Variants in AGK observed in about 807,000 individuals in gnomAD.
The protein encoded by AGK is acylglycerol kinase, mitochondrial.
AGK carries 52 observed loss-of-function variants against 66.4 expected under a neutral mutation model. The observed-to-expected ratio is 0.78, with a 90% confidence interval of 0.63 to 0.99. AGK has a LOEUF of 0.99. Among genes scored for constraint, AGK ranks in the 50% least tolerant of loss-of-function variants. The pLI is 0.00. For missense variants in AGK, 451 were observed against 506.6 expected, an observed-to-expected ratio of 0.89 and a Z score of 1.05; for synonymous variants, 182 against 181.1, an observed-to-expected ratio of 1.00 and a Z score of -0.04.
intron 9 of AGK, among the ~76,000 whole-genome samples, chr7:141,625,584 C>A (rs561942736): frequency 1.9e-4 from 29 of 152,144 alleles, no homozygotes; most frequent in South Asian, 1.3e-3. Flanking sequence ...CTATTGATGA[C>A]CTTTGGTCCA....
At chr7:141,622,726 T>C (rs1318155523) in intron 9 of AGK, among the ~76,000 whole-genome samples, 1 of 152,164 alleles carries the variant, frequency 6.6e-6, no homozygotes, top group Non-Finnish European at 1.5e-5. Context: ...AGTGTTCACA[T>C]AAAGAAGACG....
rs772183637 is a variant in AGK, at chr7:141,651,564, C to T, written c.1086C>T (p.Gly362=). 2 of 1,614,236 alleles carry T rather than the reference C, an allele frequency of 1.2e-6. No homozygotes were observed. Among genetic ancestry groups the T allele is most frequent in the South Asian group, 1.1e-5 (1 of 91,082 alleles). ...GAAACCCCAAGCTGCACGTGGAGGG[C>T]ACGGAGTGTCTCCAAGCCAGCCAGT... ...KVRNPKLHVE[G]TECLQASQCT... is the part of the protein sequence containing the mutation. Residue 362 remains glycine (G), a synonymous_variant, in exon 15 of 16, where the codon GGC becomes GGT. Coordinates refer to ENST00000649286, the MANE Select transcript of AGK (RefSeq NM_018238.4).
chr7:141,652,904 C>T lies in AGK; in HGVS notation c.1249C>T (p.Leu417Phe). Residue 417 changes from leucine to phenylalanine, a missense_variant, in exon 16 of 16, where the codon CTC becomes TTC. Transcript: ENST00000649286. ...TGATCCTAGGAAGAGAGAACAGATG[C>T]TCACAAGCCCCACCCAGTGAGCAGC... ...FCDPRKREQM[L>F]TSPTQ is the part of the protein sequence containing the mutation. 1 of 1,614,024 alleles carries T rather than the reference C, an allele frequency of 6.2e-7. No individual in the cohort carries two copies.
At chr7:141,606,852 A>T (rs887395462) in intron 5 of AGK, among the ~76,000 whole-genome samples, 2 of 152,042 alleles carry the variant, frequency 1.3e-5, no homozygotes, top group African/African-American at 4.8e-5. Context: ...TTCCCTCCAC[A>T]GCTGTTTTTA....
At chr7:141,611,150 G>T in intron 5 of AGK, 45 bp from the exon 6 acceptor site, 4 of 1,304,384 alleles carry the variant, frequency 3.1e-6, no homozygotes, top group Non-Finnish European at 4.4e-6. Flanking sequence ...TTAACCTTGT[G>T]GCTCTAGGTT....
chr7:141,572,446 T>G (rs1795625743), intron 2 of AGK, among the ~76,000 whole-genome samples: 1 of 152,228 alleles, frequency 6.6e-6, no homozygotes, highest in African/African-American at 2.4e-5. Flanking sequence ...ACTAGCTATG[T>G]GGCCTTTATC....
chr7:141,580,137 A>G (rs935427919), intron 2 of AGK, among the ~76,000 whole-genome samples: 3 of 151,998 alleles, frequency 2.0e-5, no homozygotes, highest in Admixed American at 6.5e-5. Flanking sequence ...TTTTGCCCAT[A>G]TAACAGCATG....
At chr7:141,561,797 G>T (rs1795357446) in intron 2 of AGK, among the ~76,000 whole-genome samples, 1 of 151,958 alleles carries the variant, frequency 6.6e-6, no homozygotes, top group African/African-American at 2.4e-5. Context: ...CTACCCACAA[G>T]CAGAAGGATC....
chr7:141,559,970 T>TC (rs148988259), intron 2 of AGK, among the ~76,000 whole-genome samples: 1 of 121,780 alleles, frequency 8.2e-6, no homozygotes, highest in African/African-American at 2.7e-5. Flanking sequence ...TTCTAACAGC[T>TC]TTTTTTTTTG....
intron 5 of AGK, among the ~76,000 whole-genome samples, chr7:141,603,652 G>A (rs1273240691): frequency 6.6e-6 from 1 of 152,048 alleles, no homozygotes; most frequent in Non-Finnish European, 1.5e-5. Flanking sequence ...CAGAACAAAA[G>A]GCCTCACTGT....
At position 141,653,024 on chromosome 7, in the gene AGK, C is replaced by T; in HGVS notation, c.*100C>T. 2 of 1,464,780 alleles carry T rather than the reference C, an allele frequency of 1.4e-6. No homozygotes were observed. The highest frequency in any genetic ancestry group is 1.2e-5 in the South Asian group (1 of 80,144). The allele number at this position is 1,464,780 out of a possible 1,614,324, so 90.7% of individuals were successfully genotyped here. ...ATCCCAACAGTGTCGTCAGAGGGTCCCCAGGGCATTTTCATGGCAAGTACC... is the reference window on the plus strand; with the variant it reads ...ATCCCAACAGTGTCGTCAGAGGGTCTCCAGGGCATTTTCATGGCAAGTACC... On this transcript the variant is annotated 3_prime_UTR_variant, in exon 16 of 16. Transcript: ENST00000649286.
At chr7:141,568,774 C>G (rs192874680) in intron 2 of AGK, among the ~76,000 whole-genome samples, 3 of 151,958 alleles carry the variant, frequency 2.0e-5, no homozygotes, top group Non-Finnish European at 4.4e-5. Flanking sequence ...TGGGGTTTCA[C>G]CATGTTGGCC....
intron 9 of AGK, among the ~76,000 whole-genome samples, chr7:141,626,632 T>C (rs1479260318): frequency 2.0e-5 from 3 of 152,146 alleles, no homozygotes; most frequent in Non-Finnish European, 4.4e-5. Context: ...ACTAACTGAA[T>C]ATAATCATGA....
chr7:141,594,974 C>T (rs1796199386), intron 3 of AGK, among the ~76,000 whole-genome samples: 2 of 152,164 alleles, frequency 1.3e-5, no homozygotes, highest in African/African-American at 2.4e-5. Context: ...TTCTAATTCT[C>T]CACTTCCCCT....
chr7:141,561,802 A>G (rs1469535959), intron 2 of AGK, among the ~76,000 whole-genome samples: 3 of 152,008 alleles, frequency 2.0e-5, no homozygotes, highest in Non-Finnish European at 4.4e-5. Context: ...CACAAGCAGA[A>G]GGATCTGGAA....
At chr7:141,567,320 T>G (rs945055416) in intron 2 of AGK, among the ~76,000 whole-genome samples, 4 of 152,216 alleles carry the variant, frequency 2.6e-5, no homozygotes, top group Non-Finnish European at 5.9e-5. Flanking sequence ...TGTGAAAAAT[T>G]GCATATTTTA....
At chr7:141,621,877 C>T in intron 9 of AGK, 76 bp downstream of exon 9, 1 of 1,092,784 alleles carries the variant, frequency 9.2e-7, no homozygotes, top group Non-Finnish European at 1.4e-6. Context: ...TAAAATGTAG[C>T]AGTTCAAATG....
At chr7:141,643,783 C>A (rs1181759537) in intron 13 of AGK, among the ~76,000 whole-genome samples, 2 of 151,980 alleles carry the variant, frequency 1.3e-5, no homozygotes, top group African/African-American at 2.4e-5. Flanking sequence ...GGTAAGGAGA[C>A]AGAGTGATTT....
intron 2 of AGK, among the ~76,000 whole-genome samples, chr7:141,587,532 C>A (rs538448771): frequency 2.0e-5 from 3 of 152,304 alleles, no homozygotes; most frequent in East Asian, 3.9e-4. Context: ...TGGCCTCCAG[C>A]GGTTCCGAAC....
Sources: gnomAD v4.1 joint callset for allele counts (sites outside exome capture counted in the v4.1 genomes callset) on GRCh38, gnomAD v4.1.1 for gene constraint, MANE v1.5 for transcripts, NCBI Gene and HGNC (gene_info 2026-07-23, HGNC 2026-07-21) for gene names.